Variants in RBFOX1 observed in about 807,000 individuals in gnomAD.
RBFOX1 encodes RNA binding protein fox-1 homolog 1.
A neutral mutation model predicts 57.7 loss-of-function variants in RBFOX1; 8 were observed. The ratio of observed to expected loss-of-function variants is 0.14; its 90% CI spans 0.08 to 0.25. The LOEUF is 0.25. Ranked by LOEUF, RBFOX1 falls within the 10% of genes least tolerant of loss-of-function variation. The pLI is 1.00. For missense variants in RBFOX1, 611 were observed against 548.5 expected, an observed-to-expected ratio of 1.11 and a Z score of -1.14; for synonymous variants, 326 against 222.4, an observed-to-expected ratio of 1.47 and a Z score of -4.15.
chr16:5,469,865 G>C (rs1285959330), intron 2 of RBFOX1, among the ~76,000 whole-genome samples: 1 of 152,154 alleles, frequency 6.6e-6, no homozygotes, highest in Non-Finnish European at 1.5e-5. Context: ...TATTCCATTG[G>C]AAGGCAAGAC....
chr16:5,750,203 T>C (rs2053141378), intron 3 of RBFOX1, among the ~76,000 whole-genome samples: 1 of 152,194 alleles, frequency 6.6e-6, no homozygotes, highest in Non-Finnish European at 1.5e-5. Flanking sequence ...CAGCAAATGT[T>C]GCTGCCCGAT....
At chr16:7,414,469 AC>A (rs1224786773) in intron 4 of RBFOX1, among the ~76,000 whole-genome samples, 1 of 152,256 alleles carries the variant, frequency 6.6e-6, no homozygotes, top group African/African-American at 2.4e-5. Context: ...AATGTGAGCC[AC>A]AGAATTTAAC....
At chr16:5,668,790 A>T (rs2049929175) in intron 3 of RBFOX1, among the ~76,000 whole-genome samples, 1 of 152,062 alleles carries the variant, frequency 6.6e-6, no homozygotes, top group Admixed American at 6.6e-5. Flanking sequence ...ATTCACCATT[A>T]TCTCGGAAAT....
intron 2 of RBFOX1, among the ~76,000 whole-genome samples, chr16:6,527,214 C>A (rs1338317951): frequency 6.6e-6 from 1 of 152,120 alleles, no homozygotes; most frequent in African/African-American, 2.4e-5. Flanking sequence ...ATCTCTGACT[C>A]CACATTTCCC....
chr16:6,144,624 A>C (rs1009706826), intron 1 of RBFOX1, among the ~76,000 whole-genome samples: 3 of 152,234 alleles, frequency 2.0e-5, no homozygotes, highest in Admixed American at 6.5e-5. Context: ...ACACATGTCA[A>C]GGCTCACGCT....
chr16:6,612,269 A>G (rs1048475147), intron 2 of RBFOX1, among the ~76,000 whole-genome samples: 4 of 152,160 alleles, frequency 2.6e-5, no homozygotes, highest in African/African-American at 9.7e-5. Context: ...AAAATTTTGC[A>G]TGATCACAAC....
chr16:7,130,509 A>G (rs1434474957), intron 4 of RBFOX1, among the ~76,000 whole-genome samples: 3 of 152,190 alleles, frequency 2.0e-5, no homozygotes, highest in Non-Finnish European at 4.4e-5. Flanking sequence ...TGCCTAACAC[A>G]GAGCCTGACC....
chr16:6,538,602 C>T (rs571264696), intron 2 of RBFOX1, among the ~76,000 whole-genome samples: 2 of 152,148 alleles, frequency 1.3e-5, no homozygotes, highest in African/African-American at 4.8e-5. Context: ...AAATGTTGTC[C>T]AGGCTGTGGA....
intron 4 of RBFOX1, among the ~76,000 whole-genome samples, chr16:5,880,068 GCACCTCTATTCT>G (rs2057725515): frequency 6.6e-6 from 1 of 152,168 alleles, no homozygotes; most frequent in African/African-American, 2.4e-5. Flanking sequence ...ATCACAGCAA[GCACCTCTATTCT>G]CATCTCAGTT....
chr16:5,459,799 C>G (rs886550840), intron 1 of RBFOX1, among the ~76,000 whole-genome samples: 1 of 152,080 alleles, frequency 6.6e-6, no homozygotes, highest in Non-Finnish European at 1.5e-5. Flanking sequence ...CCTCTTGATT[C>G]TGAGCTCAGA....
chr16:7,426,009 C>A (rs550619125), intron 4 of RBFOX1, among the ~76,000 whole-genome samples: 1 of 152,178 alleles, frequency 6.6e-6, no homozygotes, highest in Non-Finnish European at 1.5e-5. Context: ...TTGTTCAAGG[C>A]GGCATCTGGG....
At chr16:5,467,747 G>A (rs1221459431) in intron 2 of RBFOX1, among the ~76,000 whole-genome samples, 2 of 152,140 alleles carry the variant, frequency 1.3e-5, no homozygotes, top group Admixed American at 6.5e-5. Context: ...TGCTTGATAA[G>A]GAACTAATGT....
intron 1 of RBFOX1, among the ~76,000 whole-genome samples, chr16:6,113,843 C>T (rs932937694): frequency 6.6e-6 from 1 of 152,162 alleles, no homozygotes; most frequent in African/African-American, 2.4e-5. Flanking sequence ...ATCTGTTATT[C>T]CACTGCCAGG....
intron 4 of RBFOX1, among the ~76,000 whole-genome samples, chr16:5,894,410 G>C (rs1224754985): frequency 1.3e-5 from 2 of 152,046 alleles, no homozygotes; most frequent in Non-Finnish European, 2.9e-5. Context: ...AGCCTCCCAA[G>C]TAGCTGTCAT....
chr16:7,671,036 G>C (rs1407251686), intron 13 of RBFOX1, among the ~76,000 whole-genome samples: 1 of 152,120 alleles, frequency 6.6e-6, no homozygotes, highest in Non-Finnish European at 1.5e-5. Context: ...AGCCATCGTA[G>C]CTTCAGTGTA....
chr16:5,736,111 C>T lies in RBFOX1; in HGVS notation c.319-131192C>T, dbSNP rs563903753. Reference sequence around the variant, plus strand: ...ATTCATTTTCCTTCTTTACTGGCTGCGATGATGACGGCGGGAGGTTTTGTT... The same window carrying T: ...ATTCATTTTCCTTCTTTACTGGCTGTGATGATGACGGCGGGAGGTTTTGTT... On this transcript the variant is annotated intron_variant, in intron 3 of 19. Transcript: ENST00000641259. Among the ~76,000 whole-genome samples, 592 of 152,124 alleles carry T rather than the reference C, an allele frequency of 3.9e-3. 6 individuals are homozygous for T. The highest frequency in any genetic ancestry group is 0.014 in the African/African-American group (566 of 41,484).
chr16:5,817,354 G>A (rs960658255), intron 3 of RBFOX1, among the ~76,000 whole-genome samples: 6 of 152,182 alleles, frequency 3.9e-5, no homozygotes, highest in Admixed American at 2.0e-4. Flanking sequence ...AGGTACTGAT[G>A]GATAACGGAA....
chr16:6,537,392 C>A (rs150796148), intron 2 of RBFOX1, among the ~76,000 whole-genome samples: 1 of 152,234 alleles, frequency 6.6e-6, no homozygotes, highest in East Asian at 1.9e-4. Context: ...TGTAGGTATT[C>A]ATATAGAATA....
chr16:6,949,352 G>T (rs1426288695), intron 3 of RBFOX1, among the ~76,000 whole-genome samples: 1 of 152,164 alleles, frequency 6.6e-6, no homozygotes, highest in Non-Finnish European at 1.5e-5. Flanking sequence ...CTTCCCTTCA[G>T]TGAAACAGGC....
Sources: gnomAD v4.1 joint callset for allele counts (sites outside exome capture counted in the v4.1 genomes callset) on GRCh38, gnomAD v4.1.1 for gene constraint, MANE v1.5 for transcripts, NCBI Gene and HGNC (gene_info 2026-07-23, HGNC 2026-07-21) for gene names.